The following RIMS2 variants were observed in gnomAD, a reference collection of about 807,000 sequenced individuals.
RIMS2 encodes the protein regulating synaptic membrane exocytosis 2.
A neutral mutation model predicts 174.4 loss-of-function variants in RIMS2; 59 were observed. The observed-to-expected ratio is 0.34, with a 90% CI of 0.27 to 0.42. The LOEUF is 0.42. Ranked by LOEUF, RIMS2 falls within the 10% of genes least tolerant of loss-of-function variation. The probability of loss-of-function intolerance (pLI) is 1.00; values close to 1 mark genes in which losing one functional copy is unlikely to be tolerated. For missense variants in RIMS2, 1,620 were observed against 1,666.3 expected (o/e 0.97, Z 0.48); for synonymous variants, 606 against 572.5 (o/e 1.06, Z -0.84).
Position 103,827,775 on chromosome 8 carries a change from C to T in RIMS2, c.699-57523C>T, listed in dbSNP as rs185525984. Among the ~76,000 whole-genome samples, 277 of 152,064 alleles carry T rather than the reference C, an allele frequency of 1.8e-3. 1 individual carries two copies. Among genetic ancestry groups the T allele is most frequent in the Non-Finnish European group, 3.2e-3 (221 of 68,002 alleles). ...GCTTGAACCCGGGAGGCAGAGGTTG[C>T]AGTGAGCTGAGATCGTGCCACTGTA... On this transcript the variant is annotated intron_variant, in intron 3 of 23. Coordinates refer to ENST00000504942, the Ensembl canonical transcript of RIMS2.
At chr8:103,994,846 G>A (rs184799707) in intron 17 of RIMS2, among the ~76,000 whole-genome samples, 1 of 152,010 alleles carries the variant, frequency 6.6e-6, no homozygotes, top group South Asian at 2.1e-4. Flanking sequence ...TTGCTTAATG[G>A]CTGCTTTGGC....
chr8:103,663,283 A>G (rs59745877), intron 1 of RIMS2, among the ~76,000 whole-genome samples: 3,940 of 152,248 alleles, frequency 0.026, 170 homozygotes, highest in African/African-American at 0.088. Flanking sequence ...AGCCATTTGT[A>G]TTAAGGAGGT....
At chr8:103,686,048 T>C (rs1252514130) in intron 1 of RIMS2, among the ~76,000 whole-genome samples, 1 of 152,142 alleles carries the variant, frequency 6.6e-6, no homozygotes, top group Non-Finnish European at 1.5e-5. Context: ...CATATCTTAT[T>C]AGAGTTATAC....
At chr8:103,768,240 C>G (rs1564566846) in intron 3 of RIMS2, 2 of 470,244 alleles carry the variant, frequency 4.3e-6, no homozygotes, top group East Asian at 8.6e-5. Flanking sequence ...GAATAATGGG[C>G]TCTTTTTCGT....
intron 1 of RIMS2, among the ~76,000 whole-genome samples, chr8:103,674,971 T>C (rs2096789757): frequency 6.6e-6 from 1 of 152,226 alleles, no homozygotes; most frequent in African/African-American, 2.4e-5. Context: ...TGTTACTTAA[T>C]TTAATATGAT....
At chr8:104,044,694 A>G (rs2096664150) in intron 19 of RIMS2, among the ~76,000 whole-genome samples, 1 of 151,742 alleles carries the variant, frequency 6.6e-6, no homozygotes, top group Non-Finnish European at 1.5e-5. Flanking sequence ...TGGTAGCTAT[A>G]GATCTATAAT....
chr8:103,896,661 A>G (rs986864348), intron 4 of RIMS2, among the ~76,000 whole-genome samples: 4 of 151,604 alleles, frequency 2.6e-5, no homozygotes, highest in Admixed American at 2.0e-4. Flanking sequence ...AAATGATGCT[A>G]TAGAGGTTAA....
intron 16 of RIMS2, among the ~76,000 whole-genome samples, chr8:103,984,776 T>C (rs1287457316): frequency 6.6e-6 from 1 of 152,198 alleles, no homozygotes; most frequent in Non-Finnish European, 1.5e-5. Context: ...CTGTTCACAA[T>C]AGCCAAGATT....
intron 1 of RIMS2, among the ~76,000 whole-genome samples, chr8:103,607,994 C>G (rs905851663): frequency 2.7e-5 from 4 of 147,516 alleles, no homozygotes; most frequent in Non-Finnish European, 6.0e-5. Flanking sequence ...GCCTTCTTCT[C>G]TCAGCTCGTC....
intron 12 of RIMS2, among the ~76,000 whole-genome samples, 165 bp from the exon 15 acceptor site, chr8:103,936,386 C>T (rs2081258918): frequency 6.6e-6 from 1 of 151,944 alleles, no homozygotes; most frequent in South Asian, 2.1e-4. Flanking sequence ...TAGTATACAC[C>T]TTAAAATTTT....
At chr8:104,183,717 A>G (rs2098952924) in intron 19 of RIMS2, among the ~76,000 whole-genome samples, 1 of 151,660 alleles carries the variant, frequency 6.6e-6, no homozygotes, top group Admixed American at 6.6e-5. Context: ...AGAGTATAAA[A>G]TAATATGATT....
intron 17 of RIMS2, among the ~76,000 whole-genome samples, chr8:103,992,985 A>G (rs2094827295): frequency 6.6e-6 from 1 of 152,152 alleles, no homozygotes; most frequent in Admixed American, 6.5e-5. Flanking sequence ...ACGGTGGCAG[A>G]TGCCTATAAT....
chr8:103,500,724 C>T (rs1586216786), upstream of RIMS2: 1 of 537,198 alleles, frequency 1.9e-6, no homozygotes. Flanking sequence ...CCTCCCCTCC[C>T]CCTGCTTTTC....
At chr8:103,682,757 G>A (rs2096895626) in intron 1 of RIMS2, among the ~76,000 whole-genome samples, 1 of 152,044 alleles carries the variant, frequency 6.6e-6, no homozygotes, top group African/African-American at 2.4e-5. Context: ...ACTAAAGTAA[G>A]GTAAATACTG....
At position 103,733,363 on chromosome 8, in the gene RIMS2, G is replaced by A. The variant is rs911905852; in HGVS notation, c.388-32864G>A. The stretch of plus-strand genomic sequence containing the variant: ...AACGAAGTCTCTCCCAGTAGTGTGA[G>A]CTTCATTGCCTGGGGCTGGGGGAAG... On this transcript the variant is annotated intron_variant, in intron 2 of 23. Transcript: ENST00000504942. Among the ~76,000 whole-genome samples, 3 of 152,024 alleles carry A rather than the reference G, an allele frequency of 2.0e-5. No homozygotes were observed. In the South Asian group the frequency reaches 6.2e-4, roughly 32 times the overall value.
intron 3 of RIMS2, among the ~76,000 whole-genome samples, chr8:103,792,222 T>G (rs776935728): frequency 6.6e-5 from 10 of 152,126 alleles, no homozygotes; most frequent in Non-Finnish European, 1.3e-4. Flanking sequence ...ACAAACTGTC[T>G]CTCAGACCAC....
chr8:103,783,245 A>G (rs1044525070), intron 3 of RIMS2, among the ~76,000 whole-genome samples: 1 of 150,752 alleles, frequency 6.6e-6, no homozygotes, highest in Admixed American at 6.6e-5. Flanking sequence ...TCTCCTTAGC[A>G]TAGCAGTTTG....
chr8:104,155,813 G>C (rs1027451872), intron 19 of RIMS2, among the ~76,000 whole-genome samples: 1 of 152,094 alleles, frequency 6.6e-6, no homozygotes, highest in Non-Finnish European at 1.5e-5. Context: ...TACCAAGTTT[G>C]CAACTTTCAC....
At chr8:104,014,146 G>C (rs1175192624) in intron 18 of RIMS2, among the ~76,000 whole-genome samples, 1 of 152,080 alleles carries the variant, frequency 6.6e-6, no homozygotes, top group South Asian at 2.1e-4. Context: ...AGGGAGAAAG[G>C]TTAGTGCTGA....
Sources: allele counts gnomAD v4.1 joint callset (sites outside exome capture counted in the v4.1 genomes callset), GRCh38; gene constraint gnomAD v4.1.1; transcripts MANE v1.5; gene names NCBI Gene and HGNC (gene_info 2026-07-23, HGNC 2026-07-21).